IL33: variants seen among roughly 807,000 people sequenced by gnomAD.
IL33 encodes the protein interleukin-33.
In IL33, 37 loss-of-function variants were observed where a neutral mutation model predicts 27.3. The observed-to-expected ratio is 1.36, with a 90% confidence interval of 1.04 to 1.78. The LOEUF is 1.78. IL33 is among the 40% of genes most tolerant of loss of function. The pLI is 0.00. For synonymous variants in IL33, 132 were observed against 102.9 expected (o/e 1.28, Z -1.71); for missense variants, 406 against 311.4 (o/e 1.30, Z -2.29).
At chr9:6,216,116 A>C (rs1414941196) in intron 1 of IL33, among the ~76,000 whole-genome samples, 1 of 150,142 alleles carries the variant, frequency 6.7e-6, no homozygotes, top group African/African-American at 2.5e-5. Flanking sequence ...CCCCTCCATG[A>C]AACTTTATTT....
At chr9:6,218,487 G>A (rs572412936) in intron 1 of IL33, among the ~76,000 whole-genome samples, 2 of 151,660 alleles carry the variant, frequency 1.3e-5, no homozygotes, top group Admixed American at 6.6e-5. Flanking sequence ...AACTAACTTC[G>A]GGGAAATAGG....
Position 6,229,073 on chromosome 9 carries a change from C to T in IL33, c.-11-12611C>T, listed in dbSNP as rs970118699. Reference sequence around the variant, plus strand: ...TGTGAATAAGGGGCTAGTGCAGCTGCCAGTATAGAAGGGGCCCTGGGAGAA... The same window carrying T: ...TGTGAATAAGGGGCTAGTGCAGCTGTCAGTATAGAAGGGGCCCTGGGAGAA... On this transcript the variant is annotated intron_variant, in intron 1 of 7. Coordinates refer to ENST00000682010, the MANE Select transcript of IL33 (RefSeq NM_033439.4). Among the ~76,000 whole-genome samples the T allele has an allele frequency of 2.6e-5, 4 of 151,832 alleles. No individual in the cohort carries two copies. The East Asian group carries it at 5.8e-4, about 22-fold the overall frequency.
chr9:6,251,057 G>A, intron 3 of IL33, 83 bp from the exon 4 acceptor site: 3 of 1,535,888 alleles, frequency 2.0e-6, no homozygotes, highest in Non-Finnish European at 2.6e-6. Flanking sequence ...CTCTCAGCAA[G>A]CAGCCTTAAC....
At chr9:6,253,037 A>T (rs774155556) in intron 5 of IL33, 46 bp downstream of exon 5, 15 of 1,226,750 alleles carry the variant, frequency 1.2e-5, no homozygotes, top group Non-Finnish European at 1.6e-5. Context: ...TGACTAATAA[A>T]AGTAAAACAT....
chr9:6,233,381 C>G (rs978524997), intron 1 of IL33, among the ~76,000 whole-genome samples: 3 of 152,174 alleles, frequency 2.0e-5, no homozygotes, highest in African/African-American at 7.2e-5. Context: ...TCCTCTACTG[C>G]AGGAAGAAGT....
chr9:6,234,295 A>G (rs1366994206), intron 1 of IL33, among the ~76,000 whole-genome samples: 1 of 152,176 alleles, frequency 6.6e-6, no homozygotes, highest in Non-Finnish European at 1.5e-5. Flanking sequence ...AAATGTCCAT[A>G]TAACTGTTCC....
At chr9:6,248,339 C>A (rs370660531) in intron 2 of IL33, among the ~76,000 whole-genome samples, 1 of 140,478 alleles carries the variant, frequency 7.1e-6, no homozygotes, top group Non-Finnish European at 1.5e-5. Context: ...CCGGAGAGGT[C>A]GGATCTTTAA....
intron 6 of IL33, among the ~76,000 whole-genome samples, chr9:6,253,917 C>A (rs928697546): frequency 2.0e-5 from 3 of 152,196 alleles, no homozygotes; most frequent in Non-Finnish European, 4.4e-5. Context: ...CTCCTTCTAT[C>A]TTGTGGTTCT....
chr9:6,219,397 G>A (rs1383883364), intron 1 of IL33, among the ~76,000 whole-genome samples: 1 of 152,020 alleles, frequency 6.6e-6, no homozygotes, highest in East Asian at 1.9e-4. Context: ...AATTGGGGGC[G>A]CTTCCTCCCT....
chr9:6,227,816 T>G (rs561229331), intron 1 of IL33, among the ~76,000 whole-genome samples: 1 of 152,298 alleles, frequency 6.6e-6, no homozygotes, highest in South Asian at 2.1e-4. Context: ...TTTGTTTTCT[T>G]ACCAGTAAAA....
chr9:6,243,200 A>G (rs1307701743), intron 2 of IL33, among the ~76,000 whole-genome samples: 1 of 152,196 alleles, frequency 6.6e-6, no homozygotes, highest in Non-Finnish European at 1.5e-5. Flanking sequence ...GAACCAACAA[A>G]TGATGCTCAA....
At chr9:6,223,284 CAAA>C (rs1231064782) in intron 1 of IL33, among the ~76,000 whole-genome samples, 8 of 151,698 alleles carry the variant, frequency 5.3e-5, no homozygotes, top group African/African-American at 1.7e-4. Context: ...TTTATAAACA[CAAA>C]AATTTTTTGT....
At chr9:6,226,812 G>C (rs1372341573) in intron 1 of IL33, among the ~76,000 whole-genome samples, 1 of 152,154 alleles carries the variant, frequency 6.6e-6, no homozygotes, top group African/African-American at 2.4e-5. Flanking sequence ...CCTTTTGTGG[G>C]TTCTCACCAT....
intron 3 of IL33, 23 bp from the exon 4 acceptor site, chr9:6,251,117 C>T (rs1243510238): frequency 6.2e-7 from 1 of 1,611,994 alleles, no homozygotes; most frequent in Admixed American, 1.7e-5. Context: ...GATGGTCTAT[C>T]CCTAATCCCA....
At chr9:6,250,446 C>T (rs561455332) in intron 2 of IL33, 28 bp from the exon 3 acceptor site, 101 of 1,608,088 alleles carry the variant, frequency 6.3e-5, no homozygotes, top group Admixed American at 1.0e-4. Flanking sequence ...TGGAATGAAA[C>T]AGTCTCACAA....
upstream of IL33, among the ~76,000 whole-genome samples, chr9:6,215,264 A>T (rs1818090423): frequency 6.6e-6 from 1 of 152,194 alleles, no homozygotes; most frequent in South Asian, 2.1e-4. Flanking sequence ...ATAAAGTATT[A>T]TCTTCTGCGA....
intron 1 of IL33, among the ~76,000 whole-genome samples, chr9:6,236,338 A>G (rs1819208041): frequency 6.6e-6 from 1 of 152,212 alleles, no homozygotes; most frequent in Non-Finnish European, 1.5e-5. Context: ...AAAGAATGTC[A>G]GGATCTACCA....
At chr9:6,253,128 A>AT (rs1816507626) in intron 5 of IL33, 137 bp downstream of exon 5, 1 of 583,966 alleles carries the variant, frequency 1.7e-6, no homozygotes, top group Non-Finnish European at 2.8e-6. Flanking sequence ...ACTCTAATGC[A>AT]TTGGCAGTGG....
rs777482613 is a variant in IL33, at chr9:6,250,548, GA to G, written c.167del (p.Glu56GlyfsTer15). ...CCGCTCTGGCCTTATGATAAAAAAGGAGGCCTGTTACTTTAGGAGAGAAACC... is the reference window on the plus strand; with the variant it reads ...CCGCTCTGGCCTTATGATAAAAAAGGGGCCTGTTACTTTAGGAGAGAAACC... ...KLRSGLMIKKEACYFRRETTK... is the reference protein window; with the variant it reads ...KLRSGLMIKKXACYFRRETTK... On this transcript the variant is annotated frameshift_variant, in exon 3 of 8. Coordinates refer to ENST00000682010, the MANE Select transcript of IL33 (RefSeq NM_033439.4). LOFTEE classifies it high-confidence loss of function. 3.1e-6 allele frequency: 5 copies of G among 1,614,006 alleles called. No homozygotes were observed. Among genetic ancestry groups the G allele is most frequent in the Non-Finnish European group, 4.2e-6 (5 of 1,179,934 alleles).
Sources: gnomAD v4.1 joint callset for allele counts (sites outside exome capture counted in the v4.1 genomes callset) on GRCh38, gnomAD v4.1.1 for gene constraint, MANE v1.5 for transcripts, NCBI Gene and HGNC (gene_info 2026-07-23, HGNC 2026-07-21) for gene names.